ADGRL2: variants seen among roughly 807,000 people sequenced by gnomAD.
ADGRL2 encodes the protein calcium-independent alpha-latrotoxin receptor 2.
Under a neutral mutation model 157.4 loss-of-function variants are expected in ADGRL2, and 44 were observed. The ratio of observed to expected loss-of-function variants is 0.28; its 90% CI spans 0.22 to 0.36. The LOEUF (loss-of-function observed/expected upper bound fraction) is 0.36, where lower values mean the gene tolerates loss of function less well. Ranked by LOEUF, ADGRL2 falls within the 10% of genes least tolerant of loss-of-function variation. The probability of loss-of-function intolerance (pLI) is 1.00; values close to 1 mark genes in which losing one functional copy is unlikely to be tolerated. For synonymous variants in ADGRL2, 585 were observed against 624.7 expected (o/e 0.94, Z 0.95); for missense variants, 1,510 against 1,768.9 (o/e 0.85, Z 2.63).
intron 1 of ADGRL2, among the ~76,000 whole-genome samples, chr1:81,728,384 T>C (rs1050056340): frequency 6.6e-6 from 1 of 152,176 alleles, no homozygotes; most frequent in Non-Finnish European, 1.5e-5. Flanking sequence ...CTACTTTACC[T>C]CATAACATAT....
intron 2 of ADGRL2, among the ~76,000 whole-genome samples, chr1:81,458,780 C>T (rs1457938569): frequency 2.0e-5 from 3 of 152,124 alleles, no homozygotes; most frequent in African/African-American, 7.2e-5. Context: ...TCGGGGAGTC[C>T]TGAGGTCTGA....
intron 3 of ADGRL2, among the ~76,000 whole-genome samples, chr1:81,659,052 A>AT (rs55832240): frequency 0.013 from 785 of 60,560 alleles, 78 homozygotes; most frequent in African/African-American, 0.03. Flanking sequence ...ACACCCAGCA[A>AT]TTTTTTTTTT....
chr1:81,979,719 A>G lies in ADGRL2; in HGVS notation c.3022-150A>G, dbSNP rs529992669. 1.3e-4 allele frequency: 71 copies of G among 557,456 alleles called. 1 individual carries two copies. In the East Asian group the frequency reaches 1.9e-3, roughly 15 times the overall value. The allele number at this position is 557,456 out of a possible 1,614,324, so 34.5% of individuals were successfully genotyped here. ...AGAATTGATCATACATAGCCAGAGT[A>G]TTTTTTATGTAGACTCAACTTGATC... is the stretch of plus-strand genomic sequence containing the variant. On this transcript the variant is annotated intron_variant, in intron 17 of 23. Transcript: ENST00000686636.
intron 2 of ADGRL2, among the ~76,000 whole-genome samples, chr1:81,840,509 G>C (rs7535794): frequency 6.6e-6 from 1 of 152,042 alleles, no homozygotes; most frequent in Non-Finnish European, 1.5e-5. Context: ...GTCATATTTT[G>C]TGTACACATA....
chr1:81,745,582 C>A (rs2085219225), intron 1 of ADGRL2, among the ~76,000 whole-genome samples: 2 of 152,092 alleles, frequency 1.3e-5, no homozygotes, highest in African/African-American at 4.8e-5. Flanking sequence ...CAGTGTTATT[C>A]ATGTAAATAC....
intron 1 of ADGRL2, among the ~76,000 whole-genome samples, chr1:81,715,744 C>T (rs2084095808): frequency 6.6e-6 from 1 of 152,122 alleles, no homozygotes; most frequent in African/African-American, 2.4e-5. Context: ...TCTTATCCCC[C>T]TGCTTTTTTT....
At chr1:81,600,407 C>T (rs114250353) in intron 3 of ADGRL2, among the ~76,000 whole-genome samples, 104 of 152,222 alleles carry the variant, frequency 6.8e-4, no homozygotes, top group Non-Finnish European at 7.4e-4. Context: ...CTTCTATGGC[C>T]AGCATAGACA....
At position 81,907,029 on chromosome 1, in the gene ADGRL2, C is replaced by A; in HGVS notation, c.86C>A (p.Ala29Glu). ...FLPNTEGFSR[A>E]ALPFGLVRRE... ...TTTTTATTTTAAGGTTTCAGCAGAG[C>A]AGCTTTACCATTTGGGCTGGTGAGG... Residue 29 changes from alanine (A) to glutamate (E), a missense_variant, in exon 3 of 24, where the codon GCA (alanine) becomes GAA (glutamate). Physicochemically the swap from Ala to Glu is moderately radical, Grantham distance 107. Coordinates refer to ENST00000686636, the MANE Select transcript of ADGRL2 (RefSeq NM_001366006.2). 1 of 1,613,118 alleles carries A rather than the reference C, an allele frequency of 6.2e-7. No homozygotes were observed. The highest frequency in any genetic ancestry group is 8.5e-7 in the Non-Finnish European group (1 of 1,179,204).
At chr1:81,913,577 G>A (rs1351183899) in intron 3 of ADGRL2, among the ~76,000 whole-genome samples, 1 of 152,146 alleles carries the variant, frequency 6.6e-6, no homozygotes, top group Non-Finnish European at 1.5e-5. Context: ...TATTTTAAGG[G>A]AGTTATTGAG....
At chr1:81,877,563 G>A (rs919272734) in intron 2 of ADGRL2, among the ~76,000 whole-genome samples, 1 of 151,998 alleles carries the variant, frequency 6.6e-6, no homozygotes, top group Non-Finnish European at 1.5e-5. Flanking sequence ...CACATTCCTA[G>A]TTTGACCTGA....
At chr1:81,416,031 C>T (rs2077027700) in intron 1 of ADGRL2, among the ~76,000 whole-genome samples, 1 of 151,680 alleles carries the variant, frequency 6.6e-6, no homozygotes, top group African/African-American at 2.4e-5. Context: ...TAGTAGAGAC[C>T]TTTAGTAACA....
chr1:81,613,632 C>A (rs1273917418), intron 3 of ADGRL2, among the ~76,000 whole-genome samples: 1 of 152,128 alleles, frequency 6.6e-6, no homozygotes, highest in Non-Finnish European at 1.5e-5. Context: ...GACTAAGAAG[C>A]TTGGGTCAGA....
In ADGRL2 at chr1:81,848,132, A is replaced by G. The variant is rs535893035; in HGVS notation, c.73+11075A>G. ...TCCCTTTTCTTTCAGAGGCAAAGAT[A>G]TAGGGTACTGATATGATTTGTTTTA... On this transcript the variant is annotated intron_variant, in intron 2 of 23. Coordinates refer to ENST00000686636, the MANE Select transcript of ADGRL2 (RefSeq NM_001366006.2). Among the ~76,000 whole-genome samples, 5 of 151,928 alleles carry G rather than the reference A, an allele frequency of 3.3e-5. No individual in the cohort carries two copies. The East Asian group carries it at 5.8e-4, about 18-fold the overall frequency.
chr1:81,467,872 T>TTAG (rs2078092674), intron 2 of ADGRL2, among the ~76,000 whole-genome samples: 1 of 131,782 alleles, frequency 7.6e-6, no homozygotes, highest in South Asian at 2.8e-4. Context: ...AAAAATGTTA[T>TTAG]GAAGTATAAA....
intron 2 of ADGRL2, among the ~76,000 whole-genome samples, chr1:81,878,469 G>A (rs2093898504): frequency 6.6e-6 from 1 of 152,218 alleles, no homozygotes; most frequent in East Asian, 1.9e-4. Flanking sequence ...GGCATTTTAT[G>A]TGGCACTGAA....
chr1:81,477,708 G>A (rs1253340912), intron 2 of ADGRL2, among the ~76,000 whole-genome samples: 2 of 152,178 alleles, frequency 1.3e-5, no homozygotes, highest in Non-Finnish European at 2.9e-5. Context: ...GCATGTTAGA[G>A]AATCAATATA....
At chr1:81,966,033 C>G in intron 11 of ADGRL2, 25 bp from the exon 12 acceptor site, 1 of 1,604,596 alleles carries the variant, frequency 6.2e-7, no homozygotes, top group South Asian at 1.1e-5. Context: ...TTTTCCCCAC[C>G]TCCTTTATCT....
intron 2 of ADGRL2, among the ~76,000 whole-genome samples, chr1:81,470,406 C>A (rs2078146722): frequency 1.3e-5 from 2 of 152,244 alleles, no homozygotes; most frequent in South Asian, 2.1e-4. Flanking sequence ...ACAGATTCTA[C>A]CCCCAACTGC....
chr1:81,733,416 C>G (rs1233554989), intron 1 of ADGRL2, among the ~76,000 whole-genome samples: 2 of 152,206 alleles, frequency 1.3e-5, no homozygotes, highest in Non-Finnish European at 2.9e-5. Context: ...GCCCTTTCTT[C>G]TTGGCTTGCA....
Sources: gnomAD v4.1 joint callset for allele counts (sites outside exome capture counted in the v4.1 genomes callset) on GRCh38, gnomAD v4.1.1 for gene constraint, MANE v1.5 for transcripts, NCBI Gene and HGNC (gene_info 2026-07-23, HGNC 2026-07-21) for gene names.